Variants in RNF217 observed in about 807,000 individuals in gnomAD.
RNF217 encodes ring finger protein 217, also known as E3 ubiquitin-protein ligase RNF217.
In RNF217, 31 loss-of-function variants were observed where a neutral mutation model predicts 57.8. That is an observed-to-expected ratio of 0.54 (90% CI 0.40 to 0.72). RNF217 has a LOEUF of 0.72. Ranked by LOEUF, RNF217 falls within the 30% of genes least tolerant of loss-of-function variation. The pLI, the probability that RNF217 is intolerant of heterozygous loss-of-function variation, is 0.00. For synonymous variants in RNF217, 313 were observed against 294.0 expected (o/e 1.06, Z -0.66); for missense variants, 696 against 708.3 (o/e 0.98, Z 0.20).
intron 1 of RNF217, among the ~76,000 whole-genome samples, chr6:125,004,855 A>G (rs1785115015): frequency 6.6e-6 from 1 of 152,342 alleles, no homozygotes; most frequent in East Asian, 1.9e-4. Flanking sequence ...GGCACTTTCT[A>G]AAGGCCTTGT....
chr6:124,963,288 GGGC>G lies in RNF217; in HGVS notation c.747_749del (p.Gly250del), dbSNP rs1783379720. ...TGGGAGCTCCACCCTACTCTGGCCT[GGGC>G]GGTGTAGGGGATCCCTATGTGCCCC... On this transcript the variant is annotated inframe_deletion, in exon 1 of 6. Coordinates refer to ENST00000521654, the MANE Select transcript of RNF217 (RefSeq NM_001286398.3). 1 of 1,535,816 alleles carries G rather than the reference GGGC, an allele frequency of 6.5e-7. No homozygotes were observed. Among genetic ancestry groups the G allele is most frequent in the African/African-American group, 1.4e-5 (1 of 73,052 alleles).
rs370447379 is a variant in RNF217, at chr6:125,083,068, G to A, written c.*131G>A. ...CCATCTCATCTCCCAGTGATTCTCC[G>A]TGGGCCACAATGCCTCTAGCTATGG... On this transcript the variant is annotated 3_prime_UTR_variant, in exon 6 of 6. Coordinates refer to ENST00000521654, the MANE Select transcript of RNF217 (RefSeq NM_001286398.3). The A allele has an allele frequency of 2.7e-5, 16 of 601,400 alleles. No individual in the cohort carries two copies. Among genetic ancestry groups the A allele is most frequent in the East Asian group, 1.9e-4 (6 of 32,230 alleles). 37.3% of individuals were successfully genotyped at this position (601,400 alleles called of 1,614,324 possible).
At chr6:125,036,497 G>T (rs376044168) in intron 1 of RNF217, among the ~76,000 whole-genome samples, 3 of 152,014 alleles carry the variant, frequency 2.0e-5, no homozygotes, top group African/African-American at 7.2e-5. Context: ...AAAAGGAATC[G>T]CAACAAAAGC....
intron 2 of RNF217, among the ~76,000 whole-genome samples, chr6:125,045,765 T>C (rs1009429674): frequency 2.0e-5 from 3 of 152,098 alleles, no homozygotes; most frequent in Non-Finnish European, 2.9e-5. Flanking sequence ...TCTTTATTAT[T>C]ATGGACTTGA....
chr6:125,018,585 A>G (rs1785699954), intron 1 of RNF217, among the ~76,000 whole-genome samples: 1 of 152,006 alleles, frequency 6.6e-6, no homozygotes, highest in Non-Finnish European at 1.5e-5. Context: ...ATTTTTAGGG[A>G]AAAAAAAGGA....
intron 1 of RNF217, among the ~76,000 whole-genome samples, chr6:124,986,016 G>A (rs1043891193): frequency 2.0e-5 from 3 of 152,178 alleles, no homozygotes; most frequent in South Asian, 2.1e-4. Flanking sequence ...GAGATGAGGC[G>A]GGCCTTTGGG....
intron 3 of RNF217, among the ~76,000 whole-genome samples, chr6:125,070,162 A>G (rs141482303): frequency 3.0e-4 from 45 of 152,184 alleles, no homozygotes; most frequent in African/African-American, 1.0e-3. Flanking sequence ...GCTCCATCCA[A>G]GTTTCTGCAA....
At chr6:125,055,507 G>C (rs1306905473) in intron 2 of RNF217, among the ~76,000 whole-genome samples, 1 of 152,138 alleles carries the variant, frequency 6.6e-6, no homozygotes, top group East Asian at 1.9e-4. Flanking sequence ...AAAGATCTTT[G>C]AGTCATTAAA....
intron 4 of RNF217, among the ~76,000 whole-genome samples, chr6:125,079,798 AAT>A (rs1788508615): frequency 1.2e-4 from 18 of 152,092 alleles, no homozygotes; most frequent in Non-Finnish European, 4.4e-5. Context: ...AGAAACAAAA[AAT>A]TAAGTATAGG....
intron 1 of RNF217, among the ~76,000 whole-genome samples, chr6:125,006,913 C>T (rs531062504): frequency 4.3e-4 from 66 of 152,292 alleles, no homozygotes; most frequent in African/African-American, 1.5e-3. Flanking sequence ...CGCGCCATTG[C>T]GCTCTAGCCT....
intron 3 of RNF217, among the ~76,000 whole-genome samples, chr6:125,061,638 T>A (rs555291584): frequency 1.3e-4 from 19 of 151,902 alleles, no homozygotes; most frequent in South Asian, 2.1e-4. Flanking sequence ...CGTTTTTTTT[T>A]AAATTAATTG....
intron 1 of RNF217, among the ~76,000 whole-genome samples, chr6:124,967,303 C>A (rs1390554696): frequency 6.6e-6 from 1 of 152,140 alleles, no homozygotes; most frequent in East Asian, 1.9e-4. Flanking sequence ...CCACATTTTC[C>A]TAGGAGGAAA....
chr6:124,987,773 A>G (rs921364487), intron 1 of RNF217, among the ~76,000 whole-genome samples: 1 of 152,030 alleles, frequency 6.6e-6, no homozygotes, highest in Non-Finnish European at 1.5e-5. Flanking sequence ...CTCTTATTTT[A>G]ATTTTTGACA....
chr6:124,970,291 A>G (rs1471085625), intron 1 of RNF217, among the ~76,000 whole-genome samples: 5 of 152,252 alleles, frequency 3.3e-5, no homozygotes, highest in Non-Finnish European at 7.3e-5. Flanking sequence ...ACTATGGAAT[A>G]AATCAAAGGA....
chr6:125,035,278 T>C (rs1203990108), intron 1 of RNF217, among the ~76,000 whole-genome samples: 1 of 152,010 alleles, frequency 6.6e-6, no homozygotes. Flanking sequence ...CTTGTGCCAG[T>C]TTTCAAAGGG....
At chr6:125,058,841 T>C (rs1263283546) in intron 3 of RNF217, among the ~76,000 whole-genome samples, 5 of 152,150 alleles carry the variant, frequency 3.3e-5, no homozygotes, top group Non-Finnish European at 7.4e-5. Flanking sequence ...TAAAAAATCT[T>C]ACTGTAGAAA....
chr6:124,983,507 G>T, intron 1 of RNF217: 1 of 983,518 alleles, frequency 1.0e-6, no homozygotes, highest in Non-Finnish European at 1.2e-6. Context: ...GACCTTACAG[G>T]TTATATAATT....
At chr6:125,048,561 T>C (rs941615883) in intron 2 of RNF217, among the ~76,000 whole-genome samples, 5 of 152,086 alleles carry the variant, frequency 3.3e-5, no homozygotes, top group African/African-American at 7.2e-5. Context: ...ATTCACAGTA[T>C]CTTCATCCAA....
At chr6:125,072,248 A>G (rs1462942714) in intron 3 of RNF217, among the ~76,000 whole-genome samples, 1 of 152,232 alleles carries the variant, frequency 6.6e-6, no homozygotes, top group Non-Finnish European at 1.5e-5. Flanking sequence ...TAAAATATTC[A>G]TATATAATCA....
Sources: allele counts gnomAD v4.1 joint callset (sites outside exome capture counted in the v4.1 genomes callset), GRCh38; gene constraint gnomAD v4.1.1; transcripts MANE v1.5; gene names NCBI Gene and HGNC (gene_info 2026-07-23, HGNC 2026-07-21).